Variants in ADAMTSL3 observed in about 807,000 individuals in gnomAD.
ADAMTSL3 encodes the protein ADAMTS like 3.
ADAMTSL3 carries 128 observed loss-of-function variants against 201.7 expected under a neutral mutation model. That is an observed-to-expected ratio of 0.63 (90% confidence interval 0.55 to 0.73). ADAMTSL3 has a LOEUF of 0.73. Among genes scored for constraint, ADAMTSL3 ranks in the 30% least tolerant of loss-of-function variants. The pLI is 0.00. For synonymous variants in ADAMTSL3, 738 were observed against 748.4 expected (o/e 0.99, Z 0.23); for missense variants, 1,990 against 2,119.6 (o/e 0.94, Z 1.20).
chr15:83,973,949 G>C (rs1178270343), intron 20 of ADAMTSL3, among the ~76,000 whole-genome samples: 1 of 152,082 alleles, frequency 6.6e-6, no homozygotes, highest in Non-Finnish European at 1.5e-5. Context: ...ATTTTTCTTG[G>C]CTCTGACCCT....
rs373701850 is a variant in ADAMTSL3 at position 83,836,281 on chromosome 15, T to A, written c.601-1808T>A. ...GATAACTCTGACTTTTCAAACTTTC[T>A]CATATTGAACCAAATTATGCTTAAA... is the stretch of plus-strand genomic sequence containing the variant. On this transcript the variant is annotated intron_variant, in intron 6 of 29. Transcript: ENST00000286744. Among the ~76,000 whole-genome samples, 20 of 152,332 alleles carry A rather than the reference T, an allele frequency of 1.3e-4. No homozygotes were observed. In the East Asian group the frequency reaches 2.7e-3, roughly 21 times the overall value.
At chr15:83,707,843 T>C (rs1307416318) in intron 3 of ADAMTSL3, among the ~76,000 whole-genome samples, 1 of 152,224 alleles carries the variant, frequency 6.6e-6, no homozygotes, top group Admixed American at 6.5e-5. Context: ...AATTGTCTCA[T>C]GTTGGAACAA....
chr15:84,026,292 A>G (rs2068305682), intron 27 of ADAMTSL3, among the ~76,000 whole-genome samples: 1 of 152,214 alleles, frequency 6.6e-6, no homozygotes, highest in Non-Finnish European at 1.5e-5. Context: ...ATATAAAACT[A>G]CAAAATATTT....
intron 2 of ADAMTSL3, among the ~76,000 whole-genome samples, chr15:83,693,324 G>C (rs2061638238): frequency 6.6e-6 from 1 of 152,202 alleles, no homozygotes; most frequent in African/African-American, 2.4e-5. Context: ...GGGACAGCAG[G>C]ATGGCAGAGG....
At chr15:83,655,369 G>T (rs188865456) in intron 1 of ADAMTSL3, among the ~76,000 whole-genome samples, 93 of 152,260 alleles carry the variant, frequency 6.1e-4, no homozygotes, top group African/African-American at 2.1e-3. Flanking sequence ...TTTTTGCCGC[G>T]AGCAGCAGAA....
chr15:83,913,297 A>G lies in ADAMTSL3; in HGVS notation c.1906A>G (p.Ile636Val). The change falls in exon 16 of 30, where the codon ATC becomes GTC. Residue 636 changes from isoleucine (I) to valine (V), a missense_variant. By Grantham distance (29) the Ile-to-Val change is conservative. Transcript: ENST00000286744. The part of the protein sequence containing the change: ...DESPASRELD[I>V]PLPEDSETTY... ...GAGCCCGGCCTCCCGAGAGCTAGACATCCCTCTCCCTGAGGACAGTGAGAC... is the reference window on the plus strand; with the variant it reads ...GAGCCCGGCCTCCCGAGAGCTAGACGTCCCTCTCCCTGAGGACAGTGAGAC... The G allele has an allele frequency of 1.2e-6, 2 of 1,614,024 alleles. No homozygotes were observed. Among genetic ancestry groups the G allele is most frequent in the Non-Finnish European group, 1.7e-6 (2 of 1,180,030 alleles).
chr15:83,720,513 A>G (rs2062085602), intron 3 of ADAMTSL3, among the ~76,000 whole-genome samples: 1 of 152,200 alleles, frequency 6.6e-6, no homozygotes, highest in South Asian at 2.1e-4. Flanking sequence ...GGCTTTGTAA[A>G]AGCATCCCCG....
intron 27 of ADAMTSL3, among the ~76,000 whole-genome samples, chr15:84,030,070 G>A (rs1370246322): frequency 6.6e-6 from 1 of 152,232 alleles, no homozygotes; most frequent in East Asian, 1.9e-4. Flanking sequence ...CAGGAGTAGG[G>A]TCCTCATAAA....
At chr15:83,959,945 A>G (rs1011590655) in intron 19 of ADAMTSL3, among the ~76,000 whole-genome samples, 3 of 152,228 alleles carry the variant, frequency 2.0e-5, no homozygotes, top group African/African-American at 7.2e-5. Context: ...ATCATTAAAA[A>G]TGTCTTCTGA....
Position 84,019,908 on chromosome 15 carries a change from A to G in ADAMTSL3, c.4274-1502A>G, listed in dbSNP as rs538467018. 1.5e-4 allele frequency among the ~76,000 whole-genome samples: 23 copies of G among 151,582 alleles called. No homozygotes were observed. In the East Asian group the frequency reaches 1.5e-3, roughly 10 times the overall value. ...ACTCTGTCTCAAAAAAAAAAAAAAA[A>G]AAAGAAACCAAATACACAAGAGTAC... On this transcript the variant is annotated intron_variant, in intron 25 of 29. Coordinates refer to ENST00000286744, the MANE Select transcript of ADAMTSL3 (RefSeq NM_207517.3).
rs570363316 is a variant in ADAMTSL3, at chr15:83,969,637, A to G, written c.2491-847A>G. Among the ~76,000 whole-genome samples the G allele has an allele frequency of 3.3e-5, 5 of 152,328 alleles. No homozygotes were observed. In the South Asian group the frequency reaches 1.0e-3, roughly 32 times the overall value. Reference sequence around the variant, plus strand: ...GAAATAAGCCAGTTAGGGAAAAACAAATGTTGCATGATTCCATTACATAAG... The same window carrying G: ...GAAATAAGCCAGTTAGGGAAAAACAGATGTTGCATGATTCCATTACATAAG... On this transcript the variant is annotated intron_variant, in intron 19 of 29. Coordinates refer to ENST00000286744, the MANE Select transcript of ADAMTSL3 (RefSeq NM_207517.3).
intron 6 of ADAMTSL3, among the ~76,000 whole-genome samples, chr15:83,836,196 T>TC (rs2141972284): frequency 6.6e-6 from 1 of 152,294 alleles, no homozygotes; most frequent in East Asian, 1.9e-4. Flanking sequence ...AATAATTTAA[T>TC]CCCCCCTACA....
chr15:83,859,643 T>G (rs1278164763), intron 8 of ADAMTSL3, among the ~76,000 whole-genome samples: 1 of 152,250 alleles, frequency 6.6e-6, no homozygotes, highest in East Asian at 1.9e-4. Context: ...GAATTTCTCT[T>G]GAAGGAATTC....
Position 84,031,326 on chromosome 15 carries a change from T to C in ADAMTSL3, c.4657-9T>C, listed in dbSNP as rs768499941. 1.9e-6 allele frequency: 3 copies of C among 1,613,400 alleles called. No individual in the cohort carries two copies. The highest frequency in any genetic ancestry group is 2.5e-6 in the Non-Finnish European group (3 of 1,179,772). On this transcript the variant is annotated splice_polypyrimidine_tract_variant and intron_variant, in intron 27 of 29. Transcript: ENST00000286744. ...AGGATTTACACTGCACTGTGCTTTT[T>C]TGTTCCAGTGTCCTGGACGTTGCAT... is the stretch of plus-strand genomic sequence containing the variant.
intron 6 of ADAMTSL3, among the ~76,000 whole-genome samples, chr15:83,836,360 A>T (rs928527281): frequency 6.6e-6 from 1 of 152,240 alleles, no homozygotes; most frequent in South Asian, 2.1e-4. Context: ...CCCTTTCCTC[A>T]TGATAGCTCT....
chr15:83,845,263 C>T (rs2064473312), intron 7 of ADAMTSL3, among the ~76,000 whole-genome samples: 1 of 152,212 alleles, frequency 6.6e-6, no homozygotes, highest in Admixed American at 6.5e-5. Flanking sequence ...TTGCCTCTCC[C>T]ACTAGTAAGC....
intron 16 of ADAMTSL3, among the ~76,000 whole-genome samples, chr15:83,922,086 T>C (rs1198752720): frequency 6.6e-6 from 1 of 152,218 alleles, no homozygotes; most frequent in African/African-American, 2.4e-5. Flanking sequence ...AATTTTGTTA[T>C]AAGATGAGGT....
In ADAMTSL3 at chr15:83,804,668, C is replaced by T. The variant is rs751269774; in HGVS notation, c.336C>T (p.Asn112=). The T allele has an allele frequency of 1.9e-6, 3 of 1,582,314 alleles. No homozygotes were observed. The South Asian group carries it at 3.6e-5, about 19-fold the overall frequency. ...CCTTTAGGAATTGTGAAGGGCAGAA[C>T]ATTCGGTACAAGACATGCAGCAATC... ...CLTGRNCEGQ[N]IRYKTCSNHD... The change falls in exon 5 of 30, where the codon AAC becomes AAT. Residue 112 remains asparagine (N), a synonymous_variant. Coordinates refer to ENST00000286744, the MANE Select transcript of ADAMTSL3 (RefSeq NM_207517.3).
intron 26 of ADAMTSL3, among the ~76,000 whole-genome samples, chr15:84,024,597 G>C (rs527494255): frequency 6.6e-6 from 1 of 152,180 alleles, no homozygotes; most frequent in Non-Finnish European, 1.5e-5. Context: ...CCCCTGCTCT[G>C]CAGTCTCCCA....
Sources: gnomAD v4.1 joint callset for allele counts (sites outside exome capture counted in the v4.1 genomes callset) on GRCh38, gnomAD v4.1.1 for gene constraint, MANE v1.5 for transcripts, NCBI Gene and HGNC (gene_info 2026-07-23, HGNC 2026-07-21) for gene names.